Variants in THSD4 observed in about 807,000 individuals in gnomAD.
THSD4 encodes thrombospondin type-1 domain-containing protein 4.
THSD4 carries 69 observed loss-of-function variants against 119.0 expected under a neutral mutation model. The ratio of observed to expected loss-of-function variants is 0.58; its 90% CI spans 0.48 to 0.71. The LOEUF (loss-of-function observed/expected upper bound fraction) is 0.71, where lower values mean the gene tolerates loss of function less well. THSD4 is among the 30% of genes least tolerant of loss of function. THSD4 has a pLI of 0.00. For synonymous variants in THSD4, 524 were observed against 540.4 expected, an observed-to-expected ratio of 0.97 and a Z score of 0.42; for missense variants, 1,393 against 1,391.1, an observed-to-expected ratio of 1.00 and a Z score of -0.02.
rs572580882 is a variant in THSD4 at position 71,236,157 on chromosome 15, C to G, written c.465-6492C>G. 3.0e-4 allele frequency among the ~76,000 whole-genome samples: 45 copies of G among 152,250 alleles called. 1 individual carries two copies. The South Asian group carries it at 9.3e-3, about 32-fold the overall frequency. ...GGCCCCTCAAAGGAACTTGCCTGAGCTCTAAGGGAAAACAAGATGGAAATA... is the reference window on the plus strand; with the variant it reads ...GGCCCCTCAAAGGAACTTGCCTGAGGTCTAAGGGAAAACAAGATGGAAATA... On this transcript the variant is annotated intron_variant, in intron 4 of 17. Coordinates refer to ENST00000261862, the MANE Select transcript of THSD4 (RefSeq NM_024817.3).
intron 6 of THSD4, among the ~76,000 whole-genome samples, chr15:71,394,021 C>T (rs1566967524): frequency 1.3e-5 from 2 of 151,322 alleles, no homozygotes; most frequent in Admixed American, 6.6e-5. Flanking sequence ...ATCCAGAGTA[C>T]GGTTGCTTGT....
rs76373203 is a variant in THSD4, at chr15:71,745,068, T to C, written c.1907-38T>C. 1.5e-3 allele frequency: 2,330 copies of C among 1,599,298 alleles called. 16 individuals carry two copies. The East Asian group carries it at 0.03, about 21-fold the overall frequency. Reference sequence around the variant, plus strand: ...CCACCCATAGCCCAGCTTTCCAGTGTGTGGGACTGTCCTTCAGACATTCTC... The same window carrying C: ...CCACCCATAGCCCAGCTTTCCAGTGCGTGGGACTGTCCTTCAGACATTCTC... On this transcript the variant is annotated intron_variant, in intron 11 of 17. Coordinates refer to ENST00000261862, the MANE Select transcript of THSD4 (RefSeq NM_024817.3).
At chr15:71,167,558 A>AT (rs145085388) in intron 3 of THSD4, among the ~76,000 whole-genome samples, 2 of 152,234 alleles carry the variant, frequency 1.3e-5, no homozygotes, top group East Asian at 1.9e-4. Context: ...GGGTAAAAGT[A>AT]TTTTTTTCAT....
intron 7 of THSD4, among the ~76,000 whole-genome samples, chr15:71,555,146 G>C (rs1353588963): frequency 6.6e-6 from 1 of 152,202 alleles, no homozygotes; most frequent in Admixed American, 6.5e-5. Flanking sequence ...TTTGAGAGGT[G>C]CTTGCTAGAA....
In THSD4 at chr15:71,739,335, A is replaced by G. The variant is rs147883301; in HGVS notation, c.1906+1328A>G. On this transcript the variant is annotated intron_variant, in intron 11 of 17. Coordinates refer to ENST00000261862, the MANE Select transcript of THSD4 (RefSeq NM_024817.3). ...GGAGGAAGCATGGGGCGTCTCTCCAAACAAAAGAAAAGATAGAGTTGTAGG... is the reference window on the plus strand; with the variant it reads ...GGAGGAAGCATGGGGCGTCTCTCCAGACAAAAGAAAAGATAGAGTTGTAGG... 2.2e-3 allele frequency among the ~76,000 whole-genome samples: 336 copies of G among 152,284 alleles called. 1 individual carries two copies. Among genetic ancestry groups the G allele is most frequent in the Admixed American group, 3.7e-3 (57 of 15,290 alleles).
At chr15:71,652,568 T>G (rs1215439250) in intron 7 of THSD4, among the ~76,000 whole-genome samples, 1 of 152,184 alleles carries the variant, frequency 6.6e-6, no homozygotes, top group African/African-American at 2.4e-5. Context: ...CAGAGAACGA[T>G]GACCCTTGTT....
chr15:71,587,800 GAA>G (rs1555429620), intron 7 of THSD4, among the ~76,000 whole-genome samples: 2 of 39,144 alleles, frequency 5.1e-5, no homozygotes, highest in African/African-American at 1.3e-4. Flanking sequence ...AAAAAAAAAA[GAA>G]AAAAAAAAAA....
chr15:71,244,055 G>A (rs2044178074), intron 5 of THSD4, among the ~76,000 whole-genome samples: 1 of 150,060 alleles, frequency 6.7e-6, no homozygotes, highest in South Asian at 2.1e-4. Flanking sequence ...AAAGTGCTGG[G>A]ATTACAAGTG....
At chr15:71,717,675 G>C (rs1041854189) in intron 8 of THSD4, among the ~76,000 whole-genome samples, 4 of 152,060 alleles carry the variant, frequency 2.6e-5, no homozygotes, top group Non-Finnish European at 4.4e-5. Flanking sequence ...TTAGGGATGA[G>C]AGTTAGAAGC....
At chr15:71,577,265 A>G (rs894404544) in intron 7 of THSD4, among the ~76,000 whole-genome samples, 1 of 152,220 alleles carries the variant, frequency 6.6e-6, no homozygotes, top group Non-Finnish European at 1.5e-5. Flanking sequence ...GACATGCTCA[A>G]TGAATACTTG....
At chr15:71,123,505 G>A (rs1365598278) in intron 1 of THSD4, among the ~76,000 whole-genome samples, 1 of 152,222 alleles carries the variant, frequency 6.6e-6, no homozygotes, top group Admixed American at 6.5e-5. Flanking sequence ...TGTTGTGCAG[G>A]TGAACACTAG....
At chr15:71,460,561 G>T (rs1039370267) in intron 7 of THSD4, among the ~76,000 whole-genome samples, 1 of 152,090 alleles carries the variant, frequency 6.6e-6, no homozygotes, top group Non-Finnish European at 1.5e-5. Context: ...TGACGGTAAT[G>T]CCCTTGACTC....
At chr15:71,748,800 C>G (rs1317330617) in intron 14 of THSD4, among the ~76,000 whole-genome samples, 1 of 152,174 alleles carries the variant, frequency 6.6e-6, no homozygotes, top group Non-Finnish European at 1.5e-5. Flanking sequence ...GTATGCAAAA[C>G]TTGATTGAAT....
intron 6 of THSD4, among the ~76,000 whole-genome samples, chr15:71,270,662 T>C (rs10518941): frequency 0.032 from 4,860 of 152,224 alleles, 118 homozygotes; most frequent in Non-Finnish European, 0.05. Flanking sequence ...GCTACAGGAA[T>C]TTCTACTCAT....
intron 6 of THSD4, among the ~76,000 whole-genome samples, chr15:71,396,958 C>G (rs1225999867): frequency 6.6e-6 from 1 of 152,206 alleles, no homozygotes; most frequent in African/African-American, 2.4e-5. Context: ...TGTCTAGGAA[C>G]TTTCTACGAA....
chr15:71,408,668 A>G (rs549523116), intron 6 of THSD4, among the ~76,000 whole-genome samples: 7 of 152,174 alleles, frequency 4.6e-5, no homozygotes, highest in Non-Finnish European at 1.0e-4. Context: ...CCTGGGCAAC[A>G]TGGCAAAACC....
rs574307370 is a variant in THSD4 at position 71,747,156 on chromosome 15, C to T, written c.2241+114C>T. On this transcript the variant is annotated intron_variant, in intron 13 of 17. Transcript: ENST00000261862. ...ACCCTGAGTTCCACAGGAGGGAACCCGTCCCGTGGGGGTCTGGACGGCTGT... is the reference window on the plus strand; with the variant it reads ...ACCCTGAGTTCCACAGGAGGGAACCTGTCCCGTGGGGGTCTGGACGGCTGT... 8.8e-6 allele frequency: 11 copies of T among 1,246,114 alleles called. No individual in the cohort carries two copies. In the East Asian group the frequency reaches 1.5e-4, roughly 17 times the overall value. The allele number at this position is 1,246,114 out of a possible 1,614,324, so 77.2% of individuals were successfully genotyped here.
intron 7 of THSD4, among the ~76,000 whole-genome samples, chr15:71,484,861 A>G (rs2047790705): frequency 1.3e-5 from 2 of 152,186 alleles, no homozygotes; most frequent in Non-Finnish European, 2.9e-5. Context: ...AAAGAGGTCA[A>G]GGACTTCTGA....
At chr15:71,331,821 T>G in intron 6 of THSD4, among the ~76,000 whole-genome samples, 1 of 63,876 alleles carries the variant, frequency 1.6e-5, no homozygotes, top group South Asian at 5.3e-4. Flanking sequence ...TGCCCCCCCC[T>G]CCCCACCCCG....
Sources: allele counts gnomAD v4.1 joint callset (sites outside exome capture counted in the v4.1 genomes callset), GRCh38; gene constraint gnomAD v4.1.1; transcripts MANE v1.5; gene names NCBI Gene and HGNC (gene_info 2026-07-23, HGNC 2026-07-21).